Variants in BET1 observed in about 807,000 individuals in gnomAD.
BET1 encodes BET1 homolog.
Under a neutral mutation model 13.9 loss-of-function variants are expected in BET1, and 9 were observed. The observed-to-expected ratio is 0.65, with a 90% CI of 0.39 to 1.13. The LOEUF is 1.13. BET1 is among the 50% of genes most tolerant of loss of function. The pLI, the probability that BET1 is intolerant of heterozygous loss-of-function variation, is 0.01. For synonymous variants in BET1, 39 were observed against 47.3 expected, an observed-to-expected ratio of 0.82 and a Z score of 0.72; for missense variants, 127 against 133.6, an observed-to-expected ratio of 0.95 and a Z score of 0.24.
At chr7:93,969,868 G>C (rs1191786458) in intron 6 of BET1, among the ~76,000 whole-genome samples, 1 of 151,574 alleles carries the variant, frequency 6.6e-6, no homozygotes, top group African/African-American at 2.4e-5. Context: ...TGCCCTACTT[G>C]GTCTCATTGA....
chr7:93,964,365 A>T (rs1795142114), exon 7 of BET1: 2 of 152,026 alleles, frequency 1.3e-5, no homozygotes, highest in Non-Finnish European at 2.9e-5. Flanking sequence ...AACATACAGT[A>T]TTTGGTTTTC....
intron 2 of BET1, 70 bp from the exon 3 acceptor site, chr7:93,996,391 G>C: frequency 8.9e-7 from 1 of 1,121,108 alleles, no homozygotes; most frequent in Admixed American, 2.8e-5. Context: ...TAAAAATAAT[G>C]TCATTCTAAG....
At chr7:93,976,344 T>G (rs1365673536) in intron 4 of BET1, among the ~76,000 whole-genome samples, 1 of 149,014 alleles carries the variant, frequency 6.7e-6, no homozygotes, top group South Asian at 2.1e-4. Flanking sequence ...TATCTACTTA[T>G]TGTGTGTGTG....
intron 4 of BET1, among the ~76,000 whole-genome samples, chr7:93,986,625 G>A (rs1795532725): frequency 6.6e-6 from 1 of 152,124 alleles, no homozygotes; most frequent in South Asian, 2.1e-4. Flanking sequence ...TTACATTGTG[G>A]GCTAAGTGGA....
intron 6 of BET1, among the ~76,000 whole-genome samples, chr7:93,971,980 A>G (rs1795264934): frequency 6.6e-6 from 1 of 151,122 alleles, no homozygotes; most frequent in Non-Finnish European, 1.5e-5. Flanking sequence ...AGCATTCTTG[A>G]GAAAATTCCC....
chr7:93,997,633 A>G (rs1316563970), intron 2 of BET1, among the ~76,000 whole-genome samples: 2 of 152,208 alleles, frequency 1.3e-5, no homozygotes, highest in African/African-American at 2.4e-5. Flanking sequence ...TCCAAAGACT[A>G]TATTGAAATA....
chr7:93,970,896 C>T (rs1044864156), intron 6 of BET1, among the ~76,000 whole-genome samples: 7 of 151,624 alleles, frequency 4.6e-5, no homozygotes, highest in African/African-American at 1.7e-4. Flanking sequence ...GGTAAATTGT[C>T]AGAATGAACA....
chr7:93,989,270 T>A (rs1430640436), downstream of BET1, among the ~76,000 whole-genome samples: 1 of 152,056 alleles, frequency 6.6e-6, no homozygotes, highest in Admixed American at 6.6e-5. Context: ...TACCTCGGCC[T>A]TCCAAAGTGC....
intron 5 of BET1, among the ~76,000 whole-genome samples, chr7:93,973,413 T>G (rs1236815590): frequency 3.9e-5 from 6 of 151,974 alleles, no homozygotes; most frequent in Admixed American, 2.6e-4. Flanking sequence ...AGGAAGGTTT[T>G]GGGATCCTCA....
At chr7:93,992,282 T>G, downstream of BET1, 1 of 985,294 alleles carries the variant, frequency 1.0e-6, no homozygotes, top group Non-Finnish European at 1.2e-6. Context: ...AATCTCTATC[T>G]GCTTGATGAT....
Position 94,004,334 on chromosome 7 carries a change from C to T in BET1, c.-118G>A, listed in dbSNP as rs1795983431. ...GCCCAGCGAAACACCAACTTCTTCCCCTAAAGCGCCACGACATCAGTGGAG... is the reference window on the plus strand; with the variant it reads ...GCCCAGCGAAACACCAACTTCTTCCTCTAAAGCGCCACGACATCAGTGGAG... On this transcript the variant is annotated 5_prime_UTR_variant, in exon 1 of 4. Transcript: ENST00000222547. The T allele has an allele frequency of 1.4e-6, 2 of 1,394,604 alleles. No homozygotes were observed. Among genetic ancestry groups the T allele is most frequent in the African/African-American group, 1.4e-5 (1 of 70,208 alleles). 86.4% of individuals were successfully genotyped at this position (1,394,604 alleles called of 1,614,324 possible).
In BET1 at chr7:93,996,368, A is replaced by T. The variant is rs1795771938; in HGVS notation, c.145-47T>A. On this transcript the variant is annotated intron_variant, in intron 2 of 3. Coordinates refer to ENST00000222547, the MANE Select transcript of BET1 (RefSeq NM_005868.6). The stretch of plus-strand genomic sequence containing the variant: ...CAGGATTACTCACATAAAAGTATTC[A>T]AGTGTTATAAAGTAAAAATAATGTC... 18 of 1,299,886 alleles carry T rather than the reference A, an allele frequency of 1.4e-5. No homozygotes were observed. In the East Asian group the frequency reaches 4.8e-4, roughly 35 times the overall value. 80.5% of individuals were successfully genotyped at this position (1,299,886 alleles called of 1,614,324 possible).
At chr7:93,975,999 T>G in exon 5 of BET1, 1 of 1,280,530 alleles carries the variant, frequency 7.8e-7, no homozygotes, top group Non-Finnish European at 1.0e-6. Flanking sequence ...AAAGTAAGCC[T>G]CCTTCTTTTT....
intron 2 of BET1, among the ~76,000 whole-genome samples, chr7:93,997,461 T>G (rs1028192633): frequency 2.1e-4 from 32 of 151,868 alleles, no homozygotes; most frequent in African/African-American, 5.6e-4. Context: ...ATTGGGGGGG[T>G]TTTTAAAGGC....
At chr7:93,973,121 A>G (rs1795284584) in intron 5 of BET1, among the ~76,000 whole-genome samples, 1 of 151,938 alleles carries the variant, frequency 6.6e-6, no homozygotes, top group African/African-American at 2.4e-5. Flanking sequence ...TTATACAGAT[A>G]TTTGAAGTAT....
intron 6 of BET1, among the ~76,000 whole-genome samples, chr7:93,966,423 G>A (rs1264467768): frequency 1.3e-5 from 2 of 151,836 alleles, no homozygotes; most frequent in African/African-American, 4.8e-5. Flanking sequence ...TTAAAACCTG[G>A]TATGTATATA....
chr7:94,004,257 G>C lies in BET1; in HGVS notation c.-41C>G. Reference sequence around the variant, plus strand: ...AGAGAAAAGGCGGGTGCGGGGCTTTGGGTGAGTAGGAAACAGCTAGGGGCG... The same window carrying C: ...AGAGAAAAGGCGGGTGCGGGGCTTTCGGTGAGTAGGAAACAGCTAGGGGCG... On this transcript the variant is annotated 5_prime_UTR_variant, in exon 1 of 4. Transcript: ENST00000222547. 1 of 1,614,058 alleles carries C rather than the reference G, an allele frequency of 6.2e-7. No individual in the cohort carries two copies. The highest frequency in any genetic ancestry group is 1.3e-5 in the African/African-American group (1 of 75,026).
chr7:93,991,298 T>G (rs374729323), downstream of BET1, among the ~76,000 whole-genome samples: 12 of 152,366 alleles, frequency 7.9e-5, no homozygotes, highest in African/African-American at 2.9e-4. Context: ...TTGAAAGGTA[T>G]CATTCTCAAG....
intron 4 of BET1, among the ~76,000 whole-genome samples, chr7:93,980,903 C>T (rs1011421268): frequency 6.6e-6 from 1 of 151,908 alleles, no homozygotes; most frequent in African/African-American, 2.4e-5. Context: ...AAGTGAAAGG[C>T]AAAGAAGTTT....
Sources: gnomAD v4.1 joint callset for allele counts (sites outside exome capture counted in the v4.1 genomes callset) on GRCh38, gnomAD v4.1.1 for gene constraint, MANE v1.5 for transcripts, NCBI Gene and HGNC (gene_info 2026-07-23, HGNC 2026-07-21) for gene names.